TEX15: variants seen among roughly 807,000 people sequenced by gnomAD.
TEX15 encodes the protein testis expressed 15, meiosis and synapsis associated.
In TEX15, 171 loss-of-function variants were observed where a neutral mutation model predicts 237.3. The ratio of observed to expected loss-of-function variants is 0.72; its 90% confidence interval spans 0.64 to 0.82. The LOEUF (loss-of-function observed/expected upper bound fraction) is 0.82. TEX15 is among the 40% of genes least tolerant of loss of function. The pLI, the probability that TEX15 is intolerant of heterozygous loss-of-function variation, is 0.00. For synonymous variants in TEX15, 1,338 were observed against 1,269.8 expected (o/e 1.05, Z -1.14); for missense variants, 3,750 against 3,646.5 (o/e 1.03, Z -0.73).
chr8:30,844,983 ACTAT>A lies in TEX15; in HGVS notation c.5180_5183del (p.Asp1727ValfsTer18), dbSNP rs1302081173. On this transcript the variant is annotated frameshift_variant, in exon 8 of 11. Transcript: ENST00000643185. LOFTEE classifies it high-confidence loss of function. ...AGTAAGATTTTGAAGATTCTCCCTC[ACTAT>A]CTGTCACTGCAGCGGCTGATAACTG... The A allele has an allele frequency of 1.3e-5, 21 of 1,613,476 alleles. No homozygotes were observed. The highest frequency in any genetic ancestry group is 1.8e-5 in the Non-Finnish European group (21 of 1,179,506).
chr8:30,849,202 T>C lies in TEX15; in HGVS notation c.965A>G (p.Asn322Ser). 1.3e-6 allele frequency: 2 copies of C among 1,537,172 alleles called. No homozygotes were observed. The highest frequency in any genetic ancestry group is 1.7e-6 in the Non-Finnish European group (2 of 1,146,946). The change falls in exon 8 of 11, where the codon AAC becomes AGC. Residue 322 changes from asparagine to serine, a missense_variant. Coordinates refer to ENST00000643185, the MANE Select transcript of TEX15 (RefSeq NM_001350162.2). Reference sequence around the variant, plus strand: ...TGAATTTAGTGCATTGCATAAACAGTTTTCTTGAACAAATGGATCTACAGG... The same window carrying C: ...TGAATTTAGTGCATTGCATAAACAGCTTTCTTGAACAAATGGATCTACAGG... ...KKPVDPFVQENCLCNALNSEI... is the reference protein window; with the variant it reads ...KKPVDPFVQESCLCNALNSEI...
intron 4 of TEX15, among the ~76,000 whole-genome samples, chr8:30,872,461 G>C (rs1285958191): frequency 6.6e-6 from 1 of 152,020 alleles, no homozygotes; most frequent in Non-Finnish European, 1.5e-5. Flanking sequence ...TATGTTGTTG[G>C]TTTATGTATT....
chr8:30,847,786 C>A lies in TEX15; in HGVS notation c.2381G>T (p.Ser794Ile). Residue 794 changes from serine (S) to isoleucine (I), a missense_variant, in exon 8 of 11, where the codon AGT becomes ATT. Transcript: ENST00000643185. ...TTCTCTAGTTATGCTGCAATTTGAACTGTCATGAGCTGTTTCTATGTTATA... is the reference window on the plus strand; with the variant it reads ...TTCTCTAGTTATGCTGCAATTTGAAATGTCATGAGCTGTTTCTATGTTATA... ...SSYNIETAHD[S>I]SNCSITREHI... 6.2e-7 allele frequency: 1 copy of A among 1,613,720 alleles called. No individual in the cohort carries two copies. Among genetic ancestry groups the A allele is most frequent in the Non-Finnish European group, 8.5e-7 (1 of 1,179,936 alleles).
intron 1 of TEX15, 67 bp downstream of exon 1, chr8:30,912,806 CTTAATT>C (rs933343998): frequency 6.6e-6 from 1 of 152,222 alleles, no homozygotes; most frequent in Non-Finnish European, 1.5e-5. Context: ...TTCTTCACTC[CTTAATT>C]TTAATTTACC....
rs561840197 is a variant in TEX15 at position 30,880,117 on chromosome 8, C to A, written c.137-5015G>T. On this transcript the variant is annotated intron_variant, in intron 3 of 10. Transcript: ENST00000643185. The stretch of plus-strand genomic sequence containing the variant: ...GAGCTCAGCTCATTGCAACCTCCCC[C>A]TCCTGGGTTCAAGGGATTCTCATGA... 2.6e-5 allele frequency among the ~76,000 whole-genome samples: 4 copies of A among 152,272 alleles called. No individual in the cohort carries two copies. The East Asian group carries it at 5.8e-4, about 22-fold the overall frequency.
At chr8:30,866,350 A>G (rs762116255) in intron 5 of TEX15, among the ~76,000 whole-genome samples, 4 of 146,212 alleles carry the variant, frequency 2.7e-5, no homozygotes, top group African/African-American at 7.7e-5. Flanking sequence ...AGGGGAAAGG[A>G]GAAAGGAGAA....
At chr8:30,861,673 C>T (rs1238356741) in intron 5 of TEX15, among the ~76,000 whole-genome samples, 2 of 152,088 alleles carry the variant, frequency 1.3e-5, no homozygotes, top group African/African-American at 4.8e-5. Flanking sequence ...TATATAAGAG[C>T]TCTCTTTATT....
In TEX15 at chr8:30,837,321, A is replaced by G; in HGVS notation, c.8963T>C (p.Val2988Ala). Residue 2988 changes from valine (V) to alanine (A), a missense_variant, in exon 10 of 11, where the codon GTG (valine) becomes GCG (alanine). Coordinates refer to ENST00000643185, the MANE Select transcript of TEX15 (RefSeq NM_001350162.2). Reference protein sequence around the residue: ...FGASGHITLNVNQGAEYSLSE... With the variant: ...FGASGHITLNANQGAEYSLSE... ...AAGAGAGTACTCTGCTCCTTGATTCACATTAAGGGTTATATGCCCAGATGC... is the reference window on the plus strand; with the variant it reads ...AAGAGAGTACTCTGCTCCTTGATTCGCATTAAGGGTTATATGCCCAGATGC... 1 of 1,614,140 alleles carries G rather than the reference A, an allele frequency of 6.2e-7. No homozygotes were observed. Among genetic ancestry groups the G allele is most frequent in the Non-Finnish European group, 8.5e-7 (1 of 1,180,028 alleles).
chr8:30,895,676 C>CTTTTTTTTTTTTTTTTTTTTTTTT (rs34002027), intron 2 of TEX15, among the ~76,000 whole-genome samples: 3 of 60,060 alleles, frequency 5.0e-5, no homozygotes, highest in African/African-American at 8.1e-5. Context: ...TAAACACATG[C>CTTTTTTTTTTTTTTTTTTTTTTTT]TTTTTTTTTT....
rs887024663 is a variant in TEX15 at position 30,836,948 on chromosome 8, C to T, written c.9336G>A (p.Val3112=). The part of the protein sequence containing the change: ...GEPQANGFVP[V]NGYFQSQIPA... ...GTATTTGAGATTGAAAATACCCATT[C>T]ACTGGCACAAAGCCATTTGCTTGTG... Residue 3112 remains valine (V), a synonymous_variant, in exon 10 of 11, where the codon GTG becomes GTA. Coordinates refer to ENST00000643185, the MANE Select transcript of TEX15 (RefSeq NM_001350162.2). 7 of 1,614,170 alleles carry T rather than the reference C, an allele frequency of 4.3e-6. No homozygotes were observed. The highest frequency in any genetic ancestry group is 1.7e-5 in the Admixed American group (1 of 60,022).
At chr8:30,911,007 T>G (rs1224344969) in intron 1 of TEX15, among the ~76,000 whole-genome samples, 1 of 152,234 alleles carries the variant, frequency 6.6e-6, no homozygotes, top group East Asian at 1.9e-4. Flanking sequence ...ACTCTCCCTT[T>G]CAAGCAGCGA....
At chr8:30,870,958 C>G (rs976776209) in intron 4 of TEX15, among the ~76,000 whole-genome samples, 1 of 151,996 alleles carries the variant, frequency 6.6e-6, no homozygotes, top group African/African-American at 2.4e-5. Flanking sequence ...ACTGAATTAC[C>G]AGCAAGGAGA....
chr8:30,884,742 G>A (rs2128775562), intron 3 of TEX15, among the ~76,000 whole-genome samples: 1 of 151,912 alleles, frequency 6.6e-6, no homozygotes, highest in East Asian at 1.9e-4. Context: ...CCTGGCTAGA[G>A]GCTTATCAAC....
chr8:30,837,731 T>C lies in TEX15; in HGVS notation c.8553A>G (p.Thr2851=), dbSNP rs574271672. 8 of 1,613,990 alleles carry C rather than the reference T, an allele frequency of 5.0e-6. No homozygotes were observed. Among genetic ancestry groups the C allele is most frequent in the African/African-American group, 1.3e-5 (1 of 74,926 alleles). The part of the protein sequence containing the change: ...AICDQKSVHG[T]FSPDHGTLLQ... ...AAAGCGTCCCATGGTCTGGTGAAAA[T>C]GTGCCATGTACACTTTTTTGGTCAC... The change falls in exon 10 of 11, where the codon ACA becomes ACG. Residue 2851 remains threonine, a synonymous_variant. Coordinates refer to ENST00000643185, the MANE Select transcript of TEX15 (RefSeq NM_001350162.2).
chr8:30,875,576 T>C (rs1379428039), intron 3 of TEX15, among the ~76,000 whole-genome samples: 1 of 152,222 alleles, frequency 6.6e-6, no homozygotes, highest in Non-Finnish European at 1.5e-5. Context: ...GGAAACAGAC[T>C]TTCTTAGGAC....
chr8:30,885,804 G>A lies in TEX15; in HGVS notation c.136+1363C>T, dbSNP rs116286455. 9.6e-3 allele frequency among the ~76,000 whole-genome samples: 1,468 copies of A among 152,188 alleles called. 23 individuals carry two copies. The highest frequency in any genetic ancestry group is 0.033 in the African/African-American group (1,360 of 41,518). ...GTTGGATACGCCCATTTCTGATAAC[G>A]GGGTATTTCCAACTGTAATAGTGGA... On this transcript the variant is annotated intron_variant, in intron 3 of 10. Coordinates refer to ENST00000643185, the MANE Select transcript of TEX15 (RefSeq NM_001350162.2).
chr8:30,842,662 G>C lies in TEX15; in HGVS notation c.7505C>G (p.Ser2502Ter), dbSNP rs372186254. The stretch of plus-strand genomic sequence containing the variant: ...CACTTTCCAAAGGCAAACATCTGTT[G>C]AGTTATCTTTAAGAAATGAAAAAGA... ...MASFSFLKDN[S>*]TDVCLWKVIE... The change falls in exon 8 of 11, where the codon TCA becomes TGA. Residue 2502 changes from serine (S) to a stop codon, truncating the protein, a stop_gained. Transcript: ENST00000643185. LOFTEE classifies it high-confidence loss of function. 4 of 1,612,036 alleles carry C rather than the reference G, an allele frequency of 2.5e-6. No homozygotes were observed. Among genetic ancestry groups the C allele is most frequent in the Non-Finnish European group, 3.4e-6 (4 of 1,179,550 alleles).
chr8:30,852,835 G>C lies in TEX15; in HGVS notation c.851-3519C>G, dbSNP rs187931690. 3.2e-3 allele frequency among the ~76,000 whole-genome samples: 480 copies of C among 152,318 alleles called. 1 individual carries two copies. Among genetic ancestry groups the C allele is most frequent in the Non-Finnish European group, 6.0e-3 (406 of 68,016 alleles). On this transcript the variant is annotated intron_variant, in intron 7 of 10. Coordinates refer to ENST00000643185, the MANE Select transcript of TEX15 (RefSeq NM_001350162.2). ...TAGTTATTAGTACCATATATTCAGTGATGATGGAAATGTTATCTGTGGTAG... is the reference window on the plus strand; with the variant it reads ...TAGTTATTAGTACCATATATTCAGTCATGATGGAAATGTTATCTGTGGTAG...
At position 30,842,789 on chromosome 8, in the gene TEX15, T is replaced by C; in HGVS notation, c.7378A>G (p.Asn2460Asp). Residue 2460 changes from asparagine (N) to aspartate (D), a missense_variant, in exon 8 of 11, where the codon AAC becomes GAC. Transcript: ENST00000643185. ...MVSETIHFLK[N>D]SIAKKLDKQR... ...TTGTCTAGTTTCTTTGCTATTGAGTTTTTAAGAAAGTGAATTGTTTCTGAG... is the reference window on the plus strand; with the variant it reads ...TTGTCTAGTTTCTTTGCTATTGAGTCTTTAAGAAAGTGAATTGTTTCTGAG... The C allele has an allele frequency of 6.2e-7, 1 of 1,613,354 alleles. No individual in the cohort carries two copies. Among genetic ancestry groups the C allele is most frequent in the Non-Finnish European group, 8.5e-7 (1 of 1,179,586 alleles).
Sources: gnomAD v4.1 joint callset for allele counts (sites outside exome capture counted in the v4.1 genomes callset) on GRCh38, gnomAD v4.1.1 for gene constraint, MANE v1.5 for transcripts, NCBI Gene and HGNC (gene_info 2026-07-23, HGNC 2026-07-21) for gene names.